Variants in ZBBX observed in about 807,000 individuals in gnomAD.
ZBBX encodes zinc finger B-box domain containing.
A neutral mutation model predicts 108.5 loss-of-function variants in ZBBX; 101 were observed. That is an observed-to-expected ratio of 0.93 (90% CI 0.79 to 1.10). The LOEUF is 1.10. Ranked by LOEUF, ZBBX falls within the 50% of genes least tolerant of loss-of-function variation. The pLI is 0.00. For missense variants in ZBBX, 1,009 were observed against 941.4 expected (o/e 1.07, Z -0.94); for synonymous variants, 356 against 323.4 (o/e 1.10, Z -1.08).
At chr3:167,303,003 G>A (rs1326562655) in intron 17 of ZBBX, among the ~76,000 whole-genome samples, 1 of 152,044 alleles carries the variant, frequency 6.6e-6, no homozygotes, top group Non-Finnish European at 1.5e-5. Flanking sequence ...ATATTTCAAG[G>A]CTGTTATCTA....
intron 5 of ZBBX, chr3:167,366,853 A>T (rs1745399494): frequency 2.2e-6 from 1 of 456,016 alleles, no homozygotes; most frequent in Non-Finnish European, 4.4e-6. Context: ...AACTAAGTCC[A>T]AATCAGTGAA....
chr3:167,348,449 A>G, intron 9 of ZBBX, among the ~76,000 whole-genome samples: 1 of 141,424 alleles, frequency 7.1e-6, no homozygotes, highest in Non-Finnish European at 1.5e-5. Context: ...AGAGAGAAGG[A>G]GAGAAAGAGG....
chr3:167,360,785 CA>C (rs1744379877), intron 6 of ZBBX, 62 bp from the exon 7 acceptor site: 5 of 1,044,442 alleles, frequency 4.8e-6, no homozygotes, highest in Non-Finnish European at 6.6e-6. Context: ...CGAAAGTTGC[CA>C]ACAAAAATAT....
intron 14 of ZBBX, among the ~76,000 whole-genome samples, chr3:167,316,513 G>A (rs1735484031): frequency 6.6e-6 from 1 of 151,922 alleles, no homozygotes; most frequent in South Asian, 2.1e-4. Context: ...TGCTATTGGT[G>A]TCTTCTACAT....
chr3:167,317,783 T>C lies in ZBBX; in HGVS notation c.984-186A>G, dbSNP rs548310306. Among the ~76,000 whole-genome samples, 33 of 152,056 alleles carry C rather than the reference T, an allele frequency of 2.2e-4. No homozygotes were observed. The East Asian group carries it at 4.1e-3, about 19-fold the overall frequency. ...ATCTTAATGTACTAAAAAAAAACTG[T>C]GTAAATCAACTTGACATCACAGAAG... On this transcript the variant is annotated intron_variant, in intron 12 of 21. Transcript: ENST00000675490.
chr3:167,223,886 T>C, the ZBBX span, among the ~76,000 whole-genome samples: 34 of 152,096 alleles, frequency 2.2e-4, no homozygotes, highest in Middle Eastern at 3.4e-3. Context: ...TAAAACAGAA[T>C]GATTTCTCTA....
chr3:167,383,214 T>C (rs114541639), upstream of ZBBX, among the ~76,000 whole-genome samples: 5,490 of 152,178 alleles, frequency 0.036, 346 homozygotes, highest in African/African-American at 0.13. Flanking sequence ...TCAGATTCTT[T>C]TATAGGCAAA....
chr3:167,316,274 C>T (rs1355887564), intron 14 of ZBBX, among the ~76,000 whole-genome samples: 1 of 151,914 alleles, frequency 6.6e-6, no homozygotes, highest in Non-Finnish European at 1.5e-5. Context: ...ACACAAATAA[C>T]AAAAATAGCA....
Position 167,316,920 on chromosome 3 carries a change from A to G in ZBBX, c.1194+85T>C, listed in dbSNP as rs1270161724. ...CTATGTTAGTTATTTGAGAAATCTT[A>G]TTGAAAATAATATGCAGATGTAAGT... On this transcript the variant is annotated intron_variant, in intron 14 of 21. Transcript: ENST00000675490. 7.0e-6 allele frequency: 5 copies of G among 717,816 alleles called. No individual in the cohort carries two copies. The African/African-American group carries it at 9.2e-5, about 13-fold the overall frequency. The allele number at this position is 717,816 out of a possible 1,614,324, so 44.5% of individuals were successfully genotyped here. A position where few individuals can be genotyped will look rare whatever the true frequency, so the allele number is the denominator to read the frequency against.
upstream of ZBBX, among the ~76,000 whole-genome samples, chr3:167,383,069 AC>A (rs1426832712): frequency 6.6e-6 from 1 of 152,124 alleles, no homozygotes; most frequent in Admixed American, 6.5e-5. Flanking sequence ...TATATTCTCT[AC>A]TTAAAGAATA....
intron 20 of ZBBX, among the ~76,000 whole-genome samples, chr3:167,265,531 C>A (rs1024447487): frequency 6.6e-6 from 1 of 152,146 alleles, no homozygotes; most frequent in Non-Finnish European, 1.5e-5. Flanking sequence ...TTGCTATGAG[C>A]TGCATAGCCT....
At chr3:167,348,290 G>GGAAA (rs1354483147) in intron 9 of ZBBX, among the ~76,000 whole-genome samples, 2 of 95,900 alleles carry the variant, frequency 2.1e-5, no homozygotes, top group Non-Finnish European at 4.5e-5. Context: ...AAGGAAGGAA[G>GGAAA]GAAAGAAGAA....
chr3:167,335,925 A>G (rs953432323), intron 9 of ZBBX, among the ~76,000 whole-genome samples: 12 of 151,956 alleles, frequency 7.9e-5, no homozygotes, highest in Non-Finnish European at 1.2e-4. Context: ...AAGAAATTCA[A>G]GTCAATGGTA....
At chr3:167,387,566 G>T (rs374883829) in intron 1 of ZBBX, among the ~76,000 whole-genome samples, 6 of 151,990 alleles carry the variant, frequency 3.9e-5, no homozygotes, top group African/African-American at 1.4e-4. Context: ...CCTGCAGTGA[G>T]TTAGAATATA....
intron 8 of ZBBX, among the ~76,000 whole-genome samples, chr3:167,358,911 G>C (rs557264745): frequency 7.5e-6 from 1 of 134,220 alleles, no homozygotes; most frequent in East Asian, 2.2e-4. Flanking sequence ...ACTCCAGCCT[G>C]GGCAACAGAG....
At chr3:167,211,482 A>C in the ZBBX span, among the ~76,000 whole-genome samples, 1 of 152,154 alleles carries the variant, frequency 6.6e-6, no homozygotes, top group Non-Finnish European at 1.5e-5. Context: ...AATAGCCTAC[A>C]GGCCCCACTT....
chr3:167,282,184 G>A (rs1728923353), intron 20 of ZBBX, 54 bp downstream of exon 20: 6 of 1,520,668 alleles, frequency 3.9e-6, no homozygotes, highest in Non-Finnish European at 5.3e-6. Context: ...GAAGAATCCG[G>A]CTGAGGGCAG....
chr3:167,352,055 A>G (rs1456416695), intron 8 of ZBBX, among the ~76,000 whole-genome samples: 1 of 148,838 alleles, frequency 6.7e-6, no homozygotes, highest in Non-Finnish European at 1.5e-5. Flanking sequence ...TCAAATGCCT[A>G]TATCAAAAAG....
intron 20 of ZBBX, among the ~76,000 whole-genome samples, chr3:167,244,169 G>A (rs1203921043): frequency 6.6e-6 from 1 of 152,174 alleles, no homozygotes; most frequent in Non-Finnish European, 1.5e-5. Flanking sequence ...TAGTGGAAGA[G>A]CTGAAACTAG....
Sources: allele counts gnomAD v4.1 joint callset (sites outside exome capture counted in the v4.1 genomes callset), GRCh38; gene constraint gnomAD v4.1.1; transcripts MANE v1.5; gene names NCBI Gene and HGNC (gene_info 2026-07-23, HGNC 2026-07-21).